BCORL1: variants seen among roughly 807,000 people sequenced by gnomAD.
BCORL1 encodes the protein BCL-6 corepressor-like protein 1.
Under a neutral mutation model 87.6 loss-of-function variants are expected in BCORL1, and 7 were observed. That is an observed-to-expected ratio of 0.08 (90% confidence interval 0.05 to 0.15). The LOEUF (loss-of-function observed/expected upper bound fraction) is 0.15, where lower values mean the gene tolerates loss of function less well. Ranked by LOEUF, BCORL1 falls within the 10% of genes least tolerant of loss-of-function variation. The pLI is 1.00. For missense variants in BCORL1, 1,215 were observed against 1,499.7 expected (o/e 0.81, Z 3.13); for synonymous variants, 591 against 634.4 (o/e 0.93, Z 1.03).
intron 11 of BCORL1, among the ~76,000 whole-genome samples, chrX:130,042,334 A>G (rs1157597137): frequency 2.7e-5 from 3 of 111,647 alleles, no homozygotes; most frequent in African/African-American, 6.5e-5. Context: ...GGCTCAAGCT[A>G]TCTTCCCGCC....
chrX:129,986,357 A>C (rs1926620400), intron 1 of BCORL1, among the ~76,000 whole-genome samples: 1 of 111,886 alleles, frequency 8.9e-6, no homozygotes, highest in Non-Finnish European at 1.9e-5. Flanking sequence ...GAGTTCCACA[A>C]GACATGATGG....
intron 7 of BCORL1, among the ~76,000 whole-genome samples, chrX:130,027,366 G>T (rs1299102849): frequency 8.9e-6 from 1 of 112,817 alleles, no homozygotes; most frequent in East Asian, 2.8e-4. Context: ...CCACTAGCGG[G>T]CTGAGGCTAG....
intron 4 of BCORL1, among the ~76,000 whole-genome samples, chrX:130,020,224 C>G (rs1273650568): frequency 8.0e-5 from 9 of 112,046 alleles, no homozygotes; most frequent in Non-Finnish European, 1.5e-4. Flanking sequence ...TTGTGTGTTA[C>G]CCTGGACAAG....
intron 4 of BCORL1, 43 bp downstream of exon 4, chrX:130,016,256 T>C: frequency 8.7e-7 from 1 of 1,146,630 alleles, no homozygotes; most frequent in East Asian, 3.2e-5. Context: ...GAGATGCCGC[T>C]GGTCTACTTC....
rs763317339 is a variant in BCORL1, at chrX:130,014,249, G to A, written c.1477G>A (p.Val493Met). Residue 493 changes from valine to methionine, a missense_variant, in exon 4 of 14, where the codon GTG becomes ATG. By Grantham distance (21) the Val-to-Met change is conservative. This residue lies in a region of BCORL1 where 861 missense variants were observed against 1,010.0 expected (regional missense o/e 0.85). Transcript: ENST00000540052. ...CCTGCAGGACAGGTGTCTCCCAGGC[G>A]TGCTAGCCTCCCCCGAGCTCCGTTC... Reference protein sequence around the residue: ...SYLQDRCLPGVLASPELRSYP... With the variant: ...SYLQDRCLPGMLASPELRSYP... 2.1e-5 allele frequency: 26 copies of A among 1,210,983 alleles called. No individual in the cohort carries two copies. The highest frequency in any genetic ancestry group is 3.5e-5 in the South Asian group (2 of 56,933).
At chrX:129,984,934 C>G (rs1005749152) in intron 1 of BCORL1, among the ~76,000 whole-genome samples, 3 of 111,680 alleles carry the variant, frequency 2.7e-5, no homozygotes, top group African/African-American at 9.8e-5. Context: ...GACAGGCATC[C>G]TTTGGCGAGC....
intron 1 of BCORL1, among the ~76,000 whole-genome samples, chrX:129,983,782 C>T (rs1926342954): frequency 9.1e-6 from 1 of 110,027 alleles, no homozygotes; most frequent in South Asian, 3.9e-4. Context: ...CATACTAGCA[C>T]CGGCAAGCCA....
intron 1 of BCORL1, among the ~76,000 whole-genome samples, chrX:130,003,255 A>AG (rs760359161): frequency 8.1e-5 from 9 of 111,298 alleles, no homozygotes; most frequent in Non-Finnish European, 1.7e-4. Context: ...CTTTACAGCA[A>AG]GGCCTATCCT....
Position 130,014,348 on chromosome X carries a change from C to T in BCORL1, c.1576C>T (p.Leu526Phe), listed in dbSNP as rs1337791359. ...SKLVSLEVNRLPCTSPSGSTT... is the reference protein window; with the variant it reads ...SKLVSLEVNRFPCTSPSGSTT... Reference sequence around the variant, plus strand: ...GCTGGTATCTCTGGAGGTGAACAGGCTCCCCTGCACTTCCCCATCCGGTAG... The same window carrying T: ...GCTGGTATCTCTGGAGGTGAACAGGTTCCCCTGCACTTCCCCATCCGGTAG... The change falls in exon 4 of 14, where the codon CTC (leucine) becomes TTC (phenylalanine). Residue 526 changes from leucine (L) to phenylalanine (F), a missense_variant. Coordinates refer to ENST00000540052, the MANE Select transcript of BCORL1 (RefSeq NM_001379451.1). The T allele has an allele frequency of 3.6e-5, 44 of 1,209,457 alleles. No homozygotes were observed. The highest frequency in any genetic ancestry group is 4.8e-5 in the Non-Finnish European group (43 of 895,058).
chrX:129,987,900 T>C (rs1221020294), intron 1 of BCORL1, among the ~76,000 whole-genome samples: 1 of 111,735 alleles, frequency 8.9e-6, no homozygotes, highest in Middle Eastern at 4.2e-3. Flanking sequence ...GGTGGGAAAG[T>C]GAACACCGGA....
chrX:130,051,677 T>C lies in BCORL1; in HGVS notation c.4919-183T>C, dbSNP rs1289857254. ...ATTTCTTTCAGTACTAGAACTTTCATGTGCCCTCTGAAGGATGTGAGCCAT... is the reference window on the plus strand; with the variant it reads ...ATTTCTTTCAGTACTAGAACTTTCACGTGCCCTCTGAAGGATGTGAGCCAT... On this transcript the variant is annotated intron_variant, in intron 12 of 13. Coordinates refer to ENST00000540052, the MANE Select transcript of BCORL1 (RefSeq NM_001379451.1). 6.2e-5 allele frequency among the ~76,000 whole-genome samples: 7 copies of C among 112,575 alleles called. No homozygotes were observed. In the East Asian group the frequency reaches 1.1e-3, roughly 18 times the overall value.
At chrX:130,040,899 A>T (rs1294860036) in intron 11 of BCORL1, among the ~76,000 whole-genome samples, 2 of 111,086 alleles carry the variant, frequency 1.8e-5, no homozygotes, top group Non-Finnish European at 3.8e-5. Flanking sequence ...TCTTTGAGAA[A>T]CCGGTCTAGT....
chrX:130,028,935 G>GA (rs1363659874), intron 8 of BCORL1, 74 bp downstream of exon 8: 9 of 261,973 alleles, frequency 3.4e-5, no homozygotes, highest in Admixed American at 4.6e-5. Context: ...GGGGGTGGGG[G>GA]ATGGGGAGGA....
intron 5 of BCORL1, 51 bp downstream of exon 5, chrX:130,021,201 G>A: frequency 8.6e-7 from 1 of 1,163,062 alleles, no homozygotes; most frequent in African/African-American, 1.8e-5. Flanking sequence ...GGGATCCCCA[G>A]GGCACAGTGG....
Position 130,006,363 on chromosome X carries a change from C to CT in BCORL1, c.86+1061dup, listed in dbSNP as rs745389879. On this transcript the variant is annotated intron_variant, in intron 2 of 13. Transcript: ENST00000540052. Reference sequence around the variant, plus strand: ...ATGGCTGCAGTGCCTCTCTCATTTTCTTTTTTTTTTTTTTTGAGGTGGAGT... The same window carrying CT: ...ATGGCTGCAGTGCCTCTCTCATTTTCTTTTTTTTTTTTTTTTGAGGTGGAGT... 4.2e-3 allele frequency among the ~76,000 whole-genome samples: 415 copies of CT among 97,649 alleles called. 1 individual carries two copies. The highest frequency in any genetic ancestry group is 5.4e-3 in the East Asian group (17 of 3,164). The allele number at this position is 97,649 out of a possible 115,157, so 84.8% of individuals were successfully genotyped here.
chrX:130,051,728 T>A, intron 12 of BCORL1, 132 bp from the exon 13 acceptor site: 1 of 588,028 alleles, frequency 1.7e-6, no homozygotes, highest in Non-Finnish European at 2.6e-6. Context: ...CATCCCTGAC[T>A]AGGGGCCTGT....
At position 130,034,642 on chromosome X, in the gene BCORL1, C is replaced by A; in HGVS notation, c.4493C>A (p.Thr1498Asn). ...ATAGTGAACAAAAATGCTGGTGAGA[C>A]CCTCCTGCAGAGGGCGGCGCGTCTT... ...RLIVNKNAGE[T>N]LLQRAARLGY... Residue 1498 changes from threonine (T) to asparagine (N), a missense_variant, in exon 9 of 14, where the codon ACC becomes AAC. This residue lies in a region of BCORL1 where 55 missense variants were observed against 115.1 expected (regional missense o/e 0.48). Coordinates refer to ENST00000540052, the MANE Select transcript of BCORL1 (RefSeq NM_001379451.1). 2 of 982,838 alleles carry A rather than the reference C, an allele frequency of 2.0e-6. No individual in the cohort carries two copies. The highest frequency in any genetic ancestry group is 2.6e-6 in the Non-Finnish European group (2 of 756,030). The allele number at this position is 982,838 out of a possible 1,213,427, so 81.0% of individuals were successfully genotyped here.
chrX:130,045,764 C>T (rs1040478370), intron 11 of BCORL1, among the ~76,000 whole-genome samples: 13 of 109,945 alleles, frequency 1.2e-4, no homozygotes, highest in Non-Finnish European at 2.5e-4. Context: ...ATTACAGGCA[C>T]ACATTACCAC....
chrX:130,027,815 T>C (rs1930339781), intron 7 of BCORL1, among the ~76,000 whole-genome samples: 1 of 112,003 alleles, frequency 8.9e-6, no homozygotes, highest in African/African-American at 3.2e-5. Flanking sequence ...AATCACACAA[T>C]TGATGGCCAA....
Sources: allele counts gnomAD v4.1 joint callset (sites outside exome capture counted in the v4.1 genomes callset), GRCh38; gene constraint gnomAD v4.1.1; regional missense constraint gnomAD v4.1.1; transcripts MANE v1.5; gene names NCBI Gene and HGNC (gene_info 2026-07-23, HGNC 2026-07-21).